The following RAPH1 variants were observed in gnomAD, a reference collection of about 807,000 sequenced individuals.
RAPH1 encodes ras-associated and pleckstrin homology domains-containing protein 1.
A neutral mutation model predicts 88.1 loss-of-function variants in RAPH1; 18 were observed. The observed-to-expected ratio is 0.20, with a 90% CI of 0.14 to 0.30. The LOEUF is 0.30. RAPH1 is among the 10% of genes least tolerant of loss of function. The pLI is 1.00. For missense variants in RAPH1, 1,448 were observed against 1,543.2 expected, an observed-to-expected ratio of 0.94 and a Z score of 1.03; for synonymous variants, 587 against 559.0, an observed-to-expected ratio of 1.05 and a Z score of -0.71.
chr2:203,506,808 A>ATATCTATATATC lies in RAPH1; in HGVS notation c.1-11467_1-11456dup, dbSNP rs1297145304. Among the ~76,000 whole-genome samples the ATATCTATATATC allele has an allele frequency of 7.0e-5, 7 of 99,698 alleles. 1 individual carries two copies. Among genetic ancestry groups the ATATCTATATATC allele is most frequent in the East Asian group, 2.6e-4 (1 of 3,876 alleles). The allele number at this position is 99,698 out of a possible 152,430, so 65.4% of individuals were successfully genotyped here. A position where few individuals can be genotyped will look rare whatever the true frequency, so the allele number is the denominator to read the frequency against. On this transcript the variant is annotated intron_variant, in intron 1 of 13. Coordinates refer to ENST00000319170, the MANE Select transcript of RAPH1 (RefSeq NM_213589.3). ...GATATATATATCTATATATATATCT[A>ATATCTATATATC]TATCTATATATCTATATATATATCT...
rs1687731776 is a variant in RAPH1, at chr2:203,481,701, C to CAAGTGA, written c.732+7882_732+7883insTCACTT. ...CCACCTCCTAGATTCAAGTGATTCT[C>CAAGTGA]CTGCCTCAGCCTCCCGAGTAGCTGG... On this transcript the variant is annotated intron_variant, in intron 4 of 13. Transcript: ENST00000319170. Among the ~76,000 whole-genome samples the CAAGTGA allele has an allele frequency of 4.0e-5, 6 of 150,396 alleles. 1 individual carries two copies. In the South Asian group the frequency reaches 1.3e-3, roughly 32 times the overall value.
intron 10 of RAPH1, among the ~76,000 whole-genome samples, chr2:203,451,790 C>T (rs1292940340): frequency 6.6e-6 from 1 of 152,320 alleles, no homozygotes; most frequent in African/African-American, 2.4e-5. Context: ...ACCTATATCC[C>T]ACAGGGTGTG....
At position 203,440,786 on chromosome 2, in the gene RAPH1, C is replaced by A. The variant is rs551140425; in HGVS notation, c.2404G>T (p.Ala802Ser). 6.2e-7 allele frequency: 1 copy of A among 1,606,594 alleles called. No individual in the cohort carries two copies. Among genetic ancestry groups the A allele is most frequent in the East Asian group, 2.2e-5 (1 of 44,578 alleles). The change falls in exon 14 of 14, where the codon GCA becomes TCA. Residue 802 changes from alanine to serine, a missense_variant. Transcript: ENST00000319170. The stretch of plus-strand genomic sequence containing the variant: ...ACTGGAGGAGTAGGTGTGGGTGGTG[C>A]AGCTTGAGTCACAACAGGTGCCACA... ...KTVAPVVTQA[A>S]PPTPTPPVPP... is the part of the protein sequence containing the mutation.
intron 4 of RAPH1, among the ~76,000 whole-genome samples, chr2:203,463,544 TG>T (rs1385670911): frequency 1.3e-5 from 2 of 152,204 alleles, no homozygotes; most frequent in Admixed American, 1.3e-4. Flanking sequence ...GGGAAGGCAG[TG>T]GGCTTGGTTG....
intron 1 of RAPH1, among the ~76,000 whole-genome samples, chr2:203,504,038 C>T (rs2105890489): frequency 6.6e-6 from 1 of 152,306 alleles, no homozygotes; most frequent in South Asian, 2.1e-4. Context: ...CTCCTGGCTG[C>T]TTTCACGGGC....
chr2:203,465,643 T>C, intron 4 of RAPH1, among the ~76,000 whole-genome samples: 1 of 152,160 alleles, frequency 6.6e-6, no homozygotes, highest in African/African-American at 2.4e-5. Context: ...ATCCCAGCAC[T>C]TTGAGAGGCC....
chr2:203,458,237 C>A (rs2098521412), intron 7 of RAPH1, among the ~76,000 whole-genome samples: 1 of 152,066 alleles, frequency 6.6e-6, no homozygotes, highest in Non-Finnish European at 1.5e-5. Flanking sequence ...GGTGTGGCAG[C>A]ACGCACCTGT....
intron 10 of RAPH1, among the ~76,000 whole-genome samples, chr2:203,450,832 G>T (rs753385059): frequency 4.6e-5 from 7 of 151,864 alleles, no homozygotes; most frequent in Non-Finnish European, 8.8e-5. Flanking sequence ...GACTGCATAG[G>T]TGTTCAACTG....
rs553326868 is a variant in RAPH1 at position 203,440,773 on chromosome 2, G to A, written c.2417C>T (p.Pro806Leu). The change falls in exon 14 of 14, where the codon CCT becomes CTT. Residue 806 changes from proline to leucine, a missense_variant. Coordinates refer to ENST00000319170, the MANE Select transcript of RAPH1 (RefSeq NM_213589.3). ...TTTTGCTGGGGGCACTGGAGGAGTA[G>A]GTGTGGGTGGTGCAGCTTGAGTCAC... The part of the protein sequence containing the change: ...PVVTQAAPPT[P>L]TPPVPPAKKQ... 6 of 1,611,694 alleles carry A rather than the reference G, an allele frequency of 3.7e-6. No homozygotes were observed. The highest frequency in any genetic ancestry group is 2.2e-5 in the East Asian group (1 of 44,798).
chr2:203,505,447 C>CT (rs990060917), intron 1 of RAPH1, among the ~76,000 whole-genome samples: 2 of 152,038 alleles, frequency 1.3e-5, no homozygotes, highest in Middle Eastern at 3.4e-3. Flanking sequence ...AATTACCCCC[C>CT]CCGGGTCCCT....
chr2:203,506,084 G>T (rs1477157776), intron 1 of RAPH1, among the ~76,000 whole-genome samples: 2 of 152,132 alleles, frequency 1.3e-5, no homozygotes, highest in Non-Finnish European at 2.9e-5. Flanking sequence ...TCCCCTACCA[G>T]ATGGCCAAAC....
At chr2:203,453,679 A>G (rs1349124570) in intron 10 of RAPH1, among the ~76,000 whole-genome samples, 5 of 152,036 alleles carry the variant, frequency 3.3e-5, no homozygotes, top group African/African-American at 9.7e-5. Flanking sequence ...TAAAGTGACA[A>G]TTCTCAGAGA....
intron 13 of RAPH1, chr2:203,441,866 T>C: frequency 7.4e-7 from 1 of 1,343,974 alleles, no homozygotes; most frequent in Non-Finnish European, 9.6e-7. Flanking sequence ...ATGCTATAAC[T>C]GGGTTTAGGA....
chr2:203,507,224 T>C (rs558266695), intron 1 of RAPH1, among the ~76,000 whole-genome samples: 15 of 151,864 alleles, frequency 9.9e-5, no homozygotes, highest in Middle Eastern at 3.4e-3. Context: ...TTAAATAAAA[T>C]ATACACAGTA....
At chr2:203,469,308 C>T (rs909355799) in intron 4 of RAPH1, among the ~76,000 whole-genome samples, 4 of 152,208 alleles carry the variant, frequency 2.6e-5, no homozygotes, top group African/African-American at 9.6e-5. Flanking sequence ...TAAATTTCTA[C>T]CACCAGTCAT....
chr2:203,517,739 GA>G (rs2105951328), intron 1 of RAPH1, among the ~76,000 whole-genome samples: 1 of 152,002 alleles, frequency 6.6e-6, no homozygotes, highest in East Asian at 1.9e-4. Context: ...CAAAATACAT[GA>G]GATTACACAA....
intron 1 of RAPH1, among the ~76,000 whole-genome samples, chr2:203,516,164 T>C (rs1326996916): frequency 2.0e-5 from 3 of 152,112 alleles, no homozygotes; most frequent in Non-Finnish European, 2.9e-5. Context: ...ATTACACCCA[T>C]GAAGTGGTAC....
At position 203,442,053 on chromosome 2, in the gene RAPH1, AGGG is replaced by A. The variant is rs763283439; in HGVS notation, c.1777-643_1777-641del. On this transcript the variant is annotated intron_variant, in intron 13 of 13. Coordinates refer to ENST00000319170, the MANE Select transcript of RAPH1 (RefSeq NM_213589.3). Reference sequence around the variant, plus strand: ...CACAGAAGTCCAGCAATGCAGGTAAAGGGGGGACATTCTTTACATTTGTTTTAC... The same window carrying A: ...CACAGAAGTCCAGCAATGCAGGTAAAGGGACATTCTTTACATTTGTTTTAC... The A allele has an allele frequency of 1.9e-6, 3 of 1,595,558 alleles. No homozygotes were observed. In the African/African-American group the frequency reaches 4.1e-5, roughly 22 times the overall value.
At chr2:203,514,700 G>A (rs759130338) in intron 1 of RAPH1, among the ~76,000 whole-genome samples, 8 of 151,788 alleles carry the variant, frequency 5.3e-5, no homozygotes, top group Non-Finnish European at 1.0e-4. Context: ...AATTACAGGC[G>A]CCCACCACCA....
Sources: gnomAD v4.1 joint callset for allele counts (sites outside exome capture counted in the v4.1 genomes callset) on GRCh38, gnomAD v4.1.1 for gene constraint, MANE v1.5 for transcripts, NCBI Gene and HGNC (gene_info 2026-07-23, HGNC 2026-07-21) for gene names.